The following AGXT variants were observed in gnomAD, a reference collection of about 807,000 sequenced individuals.
AGXT encodes the protein L-alanine: glyoxylate aminotransferase 1.
Under a neutral mutation model 46.9 loss-of-function variants are expected in AGXT, and 41 were observed. The observed-to-expected ratio is 0.88, with a 90% CI of 0.68 to 1.14. The LOEUF (loss-of-function observed/expected upper bound fraction) is 1.14. Among genes scored for constraint, AGXT ranks in the 50% most tolerant of loss-of-function variants. AGXT has a pLI of 0.00. For synonymous variants in AGXT, 244 were observed against 227.9 expected, an observed-to-expected ratio of 1.07 and a Z score of -0.64; for missense variants, 525 against 522.7, an observed-to-expected ratio of 1.00 and a Z score of -0.04.
chr2:240,870,791 C>A, intron 3 of AGXT, 83 bp downstream of exon 3: 1 of 1,363,814 alleles, frequency 7.3e-7, no homozygotes, highest in Non-Finnish European at 1.0e-6. Flanking sequence ...AATTGGCCAG[C>A]CAGCAGGGTG....
chr2:240,871,244 G>A, intron 3 of AGXT, 105 bp from the exon 4 acceptor site: 3 of 976,364 alleles, frequency 3.1e-6, no homozygotes, highest in Non-Finnish European at 4.7e-6. Flanking sequence ...GTAGAGGCAG[G>A]CCCAGCCCCT....
chr2:240,869,573 C>T (rs1281337337), intron 2 of AGXT, among the ~76,000 whole-genome samples: 3 of 152,222 alleles, frequency 2.0e-5, no homozygotes, highest in Non-Finnish European at 2.9e-5. Flanking sequence ...GGGAGCAGCA[C>T]AGGTGCCCCG....
At chr2:240,871,522 C>A in intron 4 of AGXT, 73 bp downstream of exon 4, 1 of 1,378,588 alleles carries the variant, frequency 7.3e-7, no homozygotes. Context: ...GGGCACTGGT[C>A]CCTCTGGTCC....
At chr2:240,871,534 T>C in intron 4 of AGXT, 85 bp downstream of exon 4, 3 of 1,292,682 alleles carry the variant, frequency 2.3e-6, no homozygotes, top group Admixed American at 2.0e-5. Flanking sequence ...CTCTGGTCCT[T>C]CTGCCCCTGG....
intron 4 of AGXT, among the ~76,000 whole-genome samples, chr2:240,871,957 C>T (rs754491314): frequency 2.2e-4 from 34 of 152,238 alleles, no homozygotes; most frequent in African/African-American, 5.8e-4. Context: ...AGAAACTCCA[C>T]GGCCAGGGAG....
At position 240,879,215 on chromosome 2, in the gene AGXT, G is replaced by T. The variant is rs2059044674; in HGVS notation, c.*394G>T. ...TTAGGGGGACACTCCTCATCCTGGA[G>T]CCCACAGGGTAGATCCTCCCCTGGA... On this transcript the variant is annotated 3_prime_UTR_variant, in exon 11 of 11. Coordinates refer to ENST00000307503, the MANE Select transcript of AGXT (RefSeq NM_000030.3). 1 of 319,468 alleles carries T rather than the reference G, an allele frequency of 3.1e-6. No homozygotes were observed. Among genetic ancestry groups the T allele is most frequent in the Non-Finnish European group, 6.0e-6 (1 of 166,240 alleles). The allele number at this position is 319,468 out of a possible 1,614,324, so 19.8% of individuals were successfully genotyped here. A position where few individuals can be genotyped will look rare whatever the true frequency, so the allele number is the denominator to read the frequency against.
rs1187471151 is a variant in AGXT, at chr2:240,869,037, G to A, written c.165+7G>A. The A allele has an allele frequency of 4.5e-6, 6 of 1,319,918 alleles. No individual in the cohort carries two copies. The highest frequency in any genetic ancestry group is 6.2e-6 in the Non-Finnish European group (6 of 968,088). The allele number at this position is 1,319,918 out of a possible 1,614,324, so 81.8% of individuals were successfully genotyped here. On this transcript the variant is annotated splice_region_variant and intron_variant, in intron 1 of 10. Coordinates refer to ENST00000307503, the MANE Select transcript of AGXT (RefSeq NM_000030.3). ...GAGCAAGGATATGTACCAGGTAGGA[G>A]TGGGGGTCACTCGGGGGGCCTGGGT...
intron 10 of AGXT, 61 bp from the exon 11 acceptor site, chr2:240,878,653 C>T (rs577138838): frequency 1.6e-5 from 24 of 1,477,466 alleles, no homozygotes; most frequent in Admixed American, 3.9e-5. Context: ...GGCCAGCTGT[C>T]GGTCAGGGTC....
Position 240,878,716 on chromosome 2 carries a change from G to A in AGXT, c.1074G>A (p.Val358=). 2 of 1,555,564 alleles carry A rather than the reference G, an allele frequency of 1.3e-6. No homozygotes were observed. The highest frequency in any genetic ancestry group is 2.4e-5 in the East Asian group (1 of 42,226). Residue 358 remains valine (V), a splice_region_variant and synonymous_variant, in exon 11 of 11, where the codon GTG becomes GTA. Transcript: ENST00000307503. ...MGGLGPSTGK[V]LRIGLLGCNA... The stretch of plus-strand genomic sequence containing the variant: ...TCAGCCCGCCCTGTGCCCCCCAGGT[G>A]CTGCGGATCGGCCTGCTGGGCTGCA...
rs1425142764 is a variant in AGXT at position 240,879,458 on chromosome 2, C to T, written c.*637C>T. The T allele has an allele frequency of 6.5e-6, 1 of 153,322 alleles. No homozygotes were observed. Among genetic ancestry groups the T allele is most frequent in the East Asian group, 1.9e-4 (1 of 5,200 alleles). The allele number at this position is 153,322 out of a possible 1,614,324, so 9.5% of individuals were successfully genotyped here. ...CCTATGCTCCCATCCAGCCAGTGCC[C>T]ACCCCTCAACTGCCTGACTTCTGTG... On this transcript the variant is annotated 3_prime_UTR_variant, in exon 11 of 11. Coordinates refer to ENST00000307503, the MANE Select transcript of AGXT (RefSeq NM_000030.3).
intron 2 of AGXT, 133 bp downstream of exon 2, chr2:240,869,495 C>T (rs1482633537): frequency 1.1e-5 from 12 of 1,097,258 alleles, no homozygotes; most frequent in African/African-American, 6.4e-5. Context: ...TGCGCACGAA[C>T]CTCCTGCCAG....
At chr2:240,875,286 G>T in intron 7 of AGXT, 82 bp downstream of exon 7, 2 of 1,199,270 alleles carry the variant, frequency 1.7e-6, no homozygotes, top group Non-Finnish European at 2.5e-6. Flanking sequence ...TGCACTCAGG[G>T]ATTCTCCAAG....
intron 4 of AGXT, among the ~76,000 whole-genome samples, chr2:240,871,766 T>C (rs2058992231): frequency 6.6e-6 from 1 of 152,156 alleles, no homozygotes; most frequent in Non-Finnish European, 1.5e-5. Context: ...CACCCCGAGA[T>C]TGCCAGGACA....
At position 240,871,460 on chromosome 2, in the gene AGXT, C is replaced by A. The variant is rs910890174; in HGVS notation, c.524+11C>A. ...GGAACTCTGCCACAGGTGAGCCTGG[C>A]CCCAGGGCGGTGGACTGGAGCACAG... On this transcript the variant is annotated intron_variant, in intron 4 of 10. Coordinates refer to ENST00000307503, the MANE Select transcript of AGXT (RefSeq NM_000030.3). 1.9e-6 allele frequency: 3 copies of A among 1,568,090 alleles called. No individual in the cohort carries two copies. The highest frequency in any genetic ancestry group is 1.2e-5 in the South Asian group (1 of 85,224).
At chr2:240,870,541 G>A in intron 2 of AGXT, 103 bp from the exon 3 acceptor site, 1 of 1,376,912 alleles carries the variant, frequency 7.3e-7, no homozygotes, top group Non-Finnish European at 1.0e-6. Context: ...CGGTGGGTGG[G>A]GTCCAGCCCT....
chr2:240,869,530 C>T (rs1426610298), intron 2 of AGXT, among the ~76,000 whole-genome samples, 168 bp downstream of exon 2: 2 of 152,192 alleles, frequency 1.3e-5, no homozygotes, highest in African/African-American at 2.4e-5. Context: ...CAGGCGGTGT[C>T]GGGCACTCAT....
intron 2 of AGXT, 39 bp downstream of exon 2, chr2:240,869,401 TC>T (rs765749131): frequency 6.6e-7 from 1 of 1,517,844 alleles, no homozygotes; most frequent in South Asian, 1.3e-5. Flanking sequence ...CCTGGATCCA[TC>T]CTTCAAGGCC....
intron 8 of AGXT, 121 bp from the exon 9 acceptor site, chr2:240,877,416 C>A: frequency 2.1e-6 from 2 of 964,128 alleles, no homozygotes; most frequent in Non-Finnish European, 3.2e-6. Flanking sequence ...AAACTGGGGG[C>A]TCCAGGGGCT....
Position 240,869,356 on chromosome 2 carries a change from C to T in AGXT, c.352C>T (p.Arg118Cys), listed in dbSNP as rs376844297. 6.5e-5 allele frequency: 104 copies of T among 1,591,258 alleles called. No individual in the cohort carries two copies. The highest frequency in any genetic ancestry group is 7.8e-5 in the Non-Finnish European group (91 of 1,167,544). ...WGQRAVDIGE[R>C]IGARVHPMTK... ...GCAGCGAGCCGTGGACATCGGGGAGCGCATAGGTAAGGGAGAGGCCCAGGT... is the reference window on the plus strand; with the variant it reads ...GCAGCGAGCCGTGGACATCGGGGAGTGCATAGGTAAGGGAGAGGCCCAGGT... The change falls in exon 2 of 11, where the codon CGC becomes TGC. Residue 118 changes from arginine to cysteine, a missense_variant. Transcript: ENST00000307503.
Sources: allele counts gnomAD v4.1 joint callset (sites outside exome capture counted in the v4.1 genomes callset), GRCh38; gene constraint gnomAD v4.1.1; transcripts MANE v1.5; gene names NCBI Gene and HGNC (gene_info 2026-07-23, HGNC 2026-07-21).